Variants in ATP11C observed in about 807,000 individuals in gnomAD.
The protein encoded by ATP11C is ATPase phospholipid transporting 11C (ATP11C blood group).
In ATP11C, 36 loss-of-function variants were observed where a neutral mutation model predicts 97.4. That is an observed-to-expected ratio of 0.37 (90% CI 0.28 to 0.49). ATP11C has a LOEUF of 0.49. Among genes scored for constraint, ATP11C ranks in the 20% least tolerant of loss-of-function variants. The pLI, the probability that ATP11C is intolerant of heterozygous loss-of-function variation, is 0.98. For missense variants in ATP11C, 730 were observed against 824.6 expected (o/e 0.89, Z 1.40); for synonymous variants, 275 against 290.9 (o/e 0.95, Z 0.56).
intron 1 of ATP11C, among the ~76,000 whole-genome samples, chrX:139,900,096 C>A (rs1328018369): frequency 9.0e-6 from 1 of 111,554 alleles, no homozygotes; most frequent in Non-Finnish European, 1.9e-5. Context: ...GCTGGCCGGG[C>A]GCGGTGGCTC....
chrX:139,774,096 G>T (rs1348558924), intron 19 of ATP11C, among the ~76,000 whole-genome samples: 1 of 112,124 alleles, frequency 8.9e-6, no homozygotes, highest in Non-Finnish European at 1.9e-5. Context: ...GCTCACCCTT[G>T]GTCAATGGGA....
chrX:139,748,361 G>A (rs775236297), intron 24 of ATP11C, among the ~76,000 whole-genome samples: 2 of 110,439 alleles, frequency 1.8e-5, no homozygotes, highest in African/African-American at 6.6e-5. Context: ...TTGGTGGGAC[G>A]GAATGGGAGG....
intron 1 of ATP11C, chrX:139,924,157 G>A (rs1029012682): frequency 2.6e-6 from 1 of 384,394 alleles, no homozygotes; most frequent in African/African-American, 2.6e-5. Context: ...CGATGCTCCA[G>A]AGAGGAAACC....
chrX:139,901,030 C>T (rs1236997569), intron 1 of ATP11C, among the ~76,000 whole-genome samples: 1 of 111,686 alleles, frequency 9.0e-6, no homozygotes, highest in Non-Finnish European at 1.9e-5. Context: ...CAGATCCACT[C>T]AGTGGGCTGA....
At chrX:139,812,547 G>GT (rs368917710) in intron 5 of ATP11C, among the ~76,000 whole-genome samples, 5,174 of 98,704 alleles carry the variant, frequency 0.052, 353 homozygotes, top group African/African-American at 0.17. Flanking sequence ...ACTGTTGTTG[G>GT]TTTTTTTTTT....
intron 19 of ATP11C, among the ~76,000 whole-genome samples, chrX:139,772,024 C>T (rs1460618281): frequency 8.9e-6 from 1 of 112,135 alleles, no homozygotes; most frequent in East Asian, 2.8e-4. Context: ...CACAGCAGCC[C>T]CTCCCATCAC....
intron 2 of ATP11C, among the ~76,000 whole-genome samples, chrX:139,822,260 G>A (rs1456311445): frequency 2.7e-5 from 3 of 112,348 alleles, no homozygotes; most frequent in Non-Finnish European, 5.6e-5. Context: ...GCGGTAGCGC[G>A]TTCCCAGCTC....
intron 20 of ATP11C, among the ~76,000 whole-genome samples, chrX:139,767,135 A>C (rs371930071): frequency 1.8e-5 from 2 of 111,858 alleles, no homozygotes; most frequent in African/African-American, 3.3e-5. Flanking sequence ...CTTCATCCTA[A>C]GGGACTAAGA....
intron 21 of ATP11C, among the ~76,000 whole-genome samples, chrX:139,762,564 C>A (rs1458423796): frequency 9.0e-6 from 1 of 111,027 alleles, no homozygotes; most frequent in Non-Finnish European, 1.9e-5. Context: ...TCTATGAGCT[C>A]GAGCAGCTTT....
intron 1 of ATP11C, among the ~76,000 whole-genome samples, chrX:139,929,438 T>C (rs1392517931): frequency 1.8e-5 from 2 of 111,870 alleles, no homozygotes; most frequent in Non-Finnish European, 3.8e-5. Context: ...GAAAAATAAA[T>C]GGCATTTCAA....
At chrX:139,756,210 A>T (rs931015291) in intron 23 of ATP11C, among the ~76,000 whole-genome samples, 1 of 112,375 alleles carries the variant, frequency 8.9e-6, no homozygotes, top group African/African-American at 3.2e-5. Flanking sequence ...GCAGCCAACA[A>T]GCATATGAAA....
intron 1 of ATP11C, among the ~76,000 whole-genome samples, chrX:139,855,081 AAC>A (rs2084067889): frequency 8.9e-6 from 1 of 112,370 alleles, no homozygotes; most frequent in South Asian, 3.7e-4. Flanking sequence ...TAAAATTAAT[AAC>A]ACACTAATAT....
At chrX:139,840,793 G>C (rs973385743) in intron 1 of ATP11C, among the ~76,000 whole-genome samples, 2 of 110,289 alleles carry the variant, frequency 1.8e-5, no homozygotes, top group African/African-American at 6.6e-5. Flanking sequence ...TCACAGCATT[G>C]ATTTCTCTGC....
intron 17 of ATP11C, among the ~76,000 whole-genome samples, 200 bp from the exon 18 acceptor site, chrX:139,782,928 A>G (rs2082494675): frequency 8.9e-6 from 1 of 112,266 alleles, no homozygotes; most frequent in Non-Finnish European, 1.9e-5. Flanking sequence ...TTCTTTTAAC[A>G]AAGGTTGTTG....
At chrX:139,800,641 T>G (rs1045589215) in intron 7 of ATP11C, among the ~76,000 whole-genome samples, 2 of 111,455 alleles carry the variant, frequency 1.8e-5, no homozygotes, top group Admixed American at 1.9e-4. Flanking sequence ...CTTTAAACCA[T>G]AGTACTAGTC....
At chrX:139,739,020 T>C (rs930405347) in intron 27 of ATP11C, among the ~76,000 whole-genome samples, 2 of 111,672 alleles carry the variant, frequency 1.8e-5, no homozygotes, top group Non-Finnish European at 3.8e-5. Context: ...TTTGTGGCTC[T>C]ACTTTTATGA....
intron 1 of ATP11C, among the ~76,000 whole-genome samples, chrX:139,877,489 A>G (rs551937424): frequency 1.8e-5 from 2 of 111,366 alleles, no homozygotes; most frequent in South Asian, 3.8e-4. Context: ...AGAGTCATTA[A>G]CCAAGCTGCC....
intron 1 of ATP11C, among the ~76,000 whole-genome samples, chrX:139,901,758 C>T (rs749244249): frequency 1.8e-5 from 2 of 111,739 alleles, no homozygotes; most frequent in East Asian, 5.7e-4. Flanking sequence ...GCAAGATATC[C>T]TTAGTGTAAC....
intron 1 of ATP11C, among the ~76,000 whole-genome samples, chrX:139,931,548 C>T (rs980939424): frequency 5.3e-5 from 6 of 112,659 alleles, no homozygotes; most frequent in Non-Finnish European, 7.5e-5. Context: ...TGAGTCTTGC[C>T]CTAGTCTCCG....
Sources: allele counts gnomAD v4.1 joint callset (sites outside exome capture counted in the v4.1 genomes callset), GRCh38; gene constraint gnomAD v4.1.1; transcripts MANE v1.5; gene names NCBI Gene and HGNC (gene_info 2026-07-23, HGNC 2026-07-21).